CACNA2D3: variants seen among roughly 807,000 people sequenced by gnomAD.
CACNA2D3 encodes the protein voltage-dependent calcium channel subunit alpha-2/delta-3.
A neutral mutation model predicts 160.6 loss-of-function variants in CACNA2D3; 60 were observed. The observed-to-expected ratio is 0.37, with a 90% CI of 0.30 to 0.46. CACNA2D3 has a LOEUF of 0.46. CACNA2D3 is among the 20% of genes least tolerant of loss of function. The pLI is 1.00. For synonymous variants in CACNA2D3, 558 were observed against 492.9 expected, an observed-to-expected ratio of 1.13 and a Z score of -1.75; for missense variants, 1,205 against 1,365.0, an observed-to-expected ratio of 0.88 and a Z score of 1.85.
At position 54,768,522 on chromosome 3, in the gene CACNA2D3, T is replaced by C. The variant is rs535159683; in HGVS notation, c.1380+4171T>C. Among the ~76,000 whole-genome samples the C allele has an allele frequency of 6.6e-4, 100 of 152,286 alleles. No homozygotes were observed. In the Middle Eastern group the frequency reaches 0.014, roughly 21 times the overall value. On this transcript the variant is annotated intron_variant, in intron 13 of 37. Coordinates refer to ENST00000474759, the MANE Select transcript of CACNA2D3 (RefSeq NM_018398.3). ...GGGGAACCCATTGCTACTCAAACTT[T>C]TGCGCTGAAGTACTTTTGTGACCAC...
chr3:55,052,905 C>T (rs577558973), intron 35 of CACNA2D3, among the ~76,000 whole-genome samples: 10 of 152,122 alleles, frequency 6.6e-5, no homozygotes, highest in South Asian at 4.2e-4. Flanking sequence ...ATAGATAGGA[C>T]GTAATTGGGT....
intron 3 of CACNA2D3, among the ~76,000 whole-genome samples, chr3:54,365,183 A>C (rs1328761732): frequency 1.3e-5 from 2 of 152,218 alleles, no homozygotes; most frequent in African/African-American, 4.8e-5. Flanking sequence ...GACCACTTCA[A>C]ACATCCTGCA....
intron 29 of CACNA2D3, among the ~76,000 whole-genome samples, chr3:54,980,455 C>T (rs1012309164): frequency 6.6e-6 from 1 of 152,320 alleles, no homozygotes; most frequent in Admixed American, 6.5e-5. Context: ...TAAAACAATC[C>T]TTTAACCCTT....
At chr3:55,008,522 C>G (rs1360787823) in intron 33 of CACNA2D3, among the ~76,000 whole-genome samples, 1 of 152,174 alleles carries the variant, frequency 6.6e-6, no homozygotes, top group Non-Finnish European at 1.5e-5. Flanking sequence ...CCTACAGACT[C>G]CAGTTCTGTG....
chr3:54,541,869 C>T (rs1215039972), intron 5 of CACNA2D3, among the ~76,000 whole-genome samples: 1 of 150,858 alleles, frequency 6.6e-6, no homozygotes, highest in Non-Finnish European at 1.5e-5. Context: ...ATAGCAGTGG[C>T]AATGTTGTGG....
At position 54,851,951 on chromosome 3, in the gene CACNA2D3, G is replaced by A. The variant is rs550743397; in HGVS notation, c.1626+5484G>A. ...CCACCAGTGGCTGTGGCCCCCATAA[G>A]GGACAGCACAGGTCTAGAGTGTGAC... On this transcript the variant is annotated intron_variant, in intron 17 of 37. Coordinates refer to ENST00000474759, the MANE Select transcript of CACNA2D3 (RefSeq NM_018398.3). Among the ~76,000 whole-genome samples the A allele has an allele frequency of 1.8e-3, 273 of 152,296 alleles. 2 individuals carry two copies. The highest frequency in any genetic ancestry group is 0.017 in the Middle Eastern group (5 of 294).
At chr3:54,423,535 A>G (rs17053998) in intron 4 of CACNA2D3, among the ~76,000 whole-genome samples, 3,455 of 152,242 alleles carry the variant, frequency 0.023, 121 homozygotes, top group African/African-American at 0.079. Context: ...CTTGGAGAGC[A>G]ATGCTTATGT....
intron 5 of CACNA2D3, among the ~76,000 whole-genome samples, chr3:54,539,473 GC>G (rs1701937494): frequency 6.6e-6 from 1 of 152,180 alleles, no homozygotes; most frequent in Non-Finnish European, 1.5e-5. Context: ...TGTTGTATGT[GC>G]TAAATGTTTT....
intron 2 of CACNA2D3, among the ~76,000 whole-genome samples, chr3:54,281,743 CT>C (rs1320797101): frequency 6.6e-6 from 1 of 152,190 alleles, no homozygotes; most frequent in African/African-American, 2.4e-5. Context: ...AGCTTAAGCT[CT>C]GTATTCATGC....
intron 2 of CACNA2D3, among the ~76,000 whole-genome samples, chr3:54,221,916 A>G (rs1293798738): frequency 6.6e-6 from 1 of 151,946 alleles, no homozygotes; most frequent in African/African-American, 2.4e-5. Flanking sequence ...TGGTGCAATC[A>G]TAGTTCACTG....
At chr3:55,002,331 C>T (rs768473415) in intron 31 of CACNA2D3, among the ~76,000 whole-genome samples, 2 of 152,170 alleles carry the variant, frequency 1.3e-5, no homozygotes, top group African/African-American at 2.4e-5. Flanking sequence ...CAGCATTGGG[C>T]AGTGGGAAAA....
At chr3:54,280,370 C>T (rs947137457) in intron 2 of CACNA2D3, among the ~76,000 whole-genome samples, 2 of 152,118 alleles carry the variant, frequency 1.3e-5, no homozygotes, top group Admixed American at 6.6e-5. Context: ...CGTGAGCCAC[C>T]GCGCCTGGCC....
intron 12 of CACNA2D3, among the ~76,000 whole-genome samples, chr3:54,761,180 T>C (rs1403017474): frequency 6.6e-6 from 1 of 152,064 alleles, no homozygotes; most frequent in Admixed American, 6.5e-5. Flanking sequence ...ACTGCTGGCT[T>C]TGAGGATTAG....
chr3:54,417,960 C>T (rs185133344), intron 4 of CACNA2D3, among the ~76,000 whole-genome samples: 3 of 152,184 alleles, frequency 2.0e-5, no homozygotes, highest in African/African-American at 7.2e-5. Flanking sequence ...GTAATTTTTA[C>T]ATTTGTAATA....
chr3:55,038,658 T>C (rs775821151), intron 35 of CACNA2D3, among the ~76,000 whole-genome samples: 103 of 151,928 alleles, frequency 6.8e-4, no homozygotes, highest in Non-Finnish European at 1.4e-3. Context: ...CGAAGAAACC[T>C]GTTGAACTCT....
At chr3:54,429,834 T>G (rs1215606779) in intron 4 of CACNA2D3, among the ~76,000 whole-genome samples, 2 of 152,198 alleles carry the variant, frequency 1.3e-5, no homozygotes, top group Non-Finnish European at 2.9e-5. Context: ...AATTTTTAAA[T>G]AGCCTTCTAT....
At chr3:54,624,697 C>G (rs868107799) in intron 9 of CACNA2D3, among the ~76,000 whole-genome samples, 1 of 152,226 alleles carries the variant, frequency 6.6e-6, no homozygotes, top group South Asian at 2.1e-4. Context: ...GCAGAAATGA[C>G]ATCAGGCAAA....
At chr3:54,719,013 G>A (rs1211491208) in intron 11 of CACNA2D3, among the ~76,000 whole-genome samples, 1 of 151,904 alleles carries the variant, frequency 6.6e-6, no homozygotes. Context: ...ATTTTGCCAA[G>A]TTCACTTACT....
chr3:54,215,485 C>T (rs1701444220), intron 2 of CACNA2D3, among the ~76,000 whole-genome samples: 1 of 152,192 alleles, frequency 6.6e-6, no homozygotes, highest in Non-Finnish European at 1.5e-5. Flanking sequence ...ATCAGTCCCC[C>T]CATTGCCTAT....
Sources: gnomAD v4.1 joint callset for allele counts (sites outside exome capture counted in the v4.1 genomes callset) on GRCh38, gnomAD v4.1.1 for gene constraint, MANE v1.5 for transcripts, NCBI Gene and HGNC (gene_info 2026-07-23, HGNC 2026-07-21) for gene names.